The following MRTFA variants were observed in gnomAD, a reference collection of about 807,000 sequenced individuals.
The protein encoded by MRTFA is myocardin-related transcription factor A.
A neutral mutation model predicts 83.5 loss-of-function variants in MRTFA; 20 were observed. The observed-to-expected ratio is 0.24, with a 90% confidence interval of 0.17 to 0.35. The LOEUF (loss-of-function observed/expected upper bound fraction) is 0.35. MRTFA is among the 10% of genes least tolerant of loss of function. The probability of loss-of-function intolerance (pLI) is 1.00; values close to 1 mark genes in which losing one functional copy is unlikely to be tolerated. For missense variants in MRTFA, 1,200 were observed against 1,224.7 expected, an observed-to-expected ratio of 0.98 and a Z score of 0.30; for synonymous variants, 659 against 541.2, an observed-to-expected ratio of 1.22 and a Z score of -3.02.
chr22:40,414,374 C>T (rs1160762696), intron 14 of MRTFA, among the ~76,000 whole-genome samples: 1 of 152,154 alleles, frequency 6.6e-6, no homozygotes, highest in African/African-American at 2.4e-5. Flanking sequence ...TATGATCCGG[C>T]AATTCCAACC....
At chr22:40,517,246 A>G (rs2054776778) in intron 3 of MRTFA, among the ~76,000 whole-genome samples, 1 of 152,186 alleles carries the variant, frequency 6.6e-6, no homozygotes, top group Admixed American at 6.5e-5. Context: ...ATTCTAAAAG[A>G]AGAAAAAGTT....
chr22:40,623,267 T>G (rs1215101488), intron 1 of MRTFA, among the ~76,000 whole-genome samples: 1 of 152,238 alleles, frequency 6.6e-6, no homozygotes, highest in Non-Finnish European at 1.5e-5. Context: ...ACCAAAGTTA[T>G]GTAACACGGT....
chr22:40,447,244 TG>T (rs2053396869), intron 4 of MRTFA, among the ~76,000 whole-genome samples: 1 of 151,694 alleles, frequency 6.6e-6, no homozygotes, highest in African/African-American at 2.4e-5. Context: ...CCGATCTATT[TG>T]GGGGAGCCGA....
At chr22:40,507,219 G>T (rs2054594421) in intron 3 of MRTFA, among the ~76,000 whole-genome samples, 1 of 152,130 alleles carries the variant, frequency 6.6e-6, no homozygotes, top group Admixed American at 6.5e-5. Context: ...AAATTAGCCA[G>T]GCGTGGTGGC....
chr22:40,499,759 T>C (rs1227024577), intron 3 of MRTFA, among the ~76,000 whole-genome samples: 6 of 152,006 alleles, frequency 3.9e-5, no homozygotes, highest in Admixed American at 3.3e-4. Context: ...AAAAAGAAAA[T>C]GTCTTCTCTG....
chr22:40,636,430 G>C (rs1456589816), intron 1 of MRTFA, 48 bp downstream of exon 1: 1 of 152,236 alleles, frequency 6.6e-6, no homozygotes, highest in African/African-American at 2.4e-5. Context: ...CTCCAGGCGG[G>C]GCGAGGCCGC....
chr22:40,631,239 A>C (rs146970702), intron 1 of MRTFA, among the ~76,000 whole-genome samples: 621 of 152,278 alleles, frequency 4.1e-3, no homozygotes, highest in Middle Eastern at 6.8e-3. Context: ...CTGCATACTC[A>C]TATCAGTCTA....
intron 4 of MRTFA, among the ~76,000 whole-genome samples, chr22:40,442,588 A>G (rs1268708929): frequency 7.0e-6 from 1 of 141,876 alleles, no homozygotes; most frequent in East Asian, 2.1e-4. Flanking sequence ...AGTAAGCACT[A>G]TGCCAGTCAC....
At chr22:40,429,861 A>G (rs900532813) in intron 6 of MRTFA, 94 bp from the exon 7 acceptor site, 4 of 1,301,556 alleles carry the variant, frequency 3.1e-6, no homozygotes, top group Non-Finnish European at 4.2e-6. Flanking sequence ...CTCCTGGGCA[A>G]GAGGAGTGAC....
At chr22:40,438,635 C>T (rs1275782460) in intron 4 of MRTFA, among the ~76,000 whole-genome samples, 1 of 152,212 alleles carries the variant, frequency 6.6e-6, no homozygotes, top group Non-Finnish European at 1.5e-5. Context: ...TCTAGGCCAA[C>T]CAAGGTCCAA....
At chr22:40,620,822 T>C (rs190522288) in intron 1 of MRTFA, among the ~76,000 whole-genome samples, 6 of 152,218 alleles carry the variant, frequency 3.9e-5, no homozygotes, top group Non-Finnish European at 8.8e-5. Flanking sequence ...ACAAGGTTTC[T>C]AACAATGTTA....
intron 1 of MRTFA, among the ~76,000 whole-genome samples, chr22:40,632,655 C>T (rs1442688057): frequency 1.3e-5 from 2 of 152,058 alleles, no homozygotes; most frequent in Non-Finnish European, 2.9e-5. Flanking sequence ...AGGCTGGTCT[C>T]GATCTCCTGA....
At chr22:40,465,648 C>T (rs748803704) in intron 3 of MRTFA, among the ~76,000 whole-genome samples, 9 of 152,154 alleles carry the variant, frequency 5.9e-5, no homozygotes, top group Non-Finnish European at 1.2e-4. Flanking sequence ...AAGGCCTTGA[C>T]GTCCCTGGCT....
intron 3 of MRTFA, among the ~76,000 whole-genome samples, chr22:40,550,788 A>G (rs894842296): frequency 3.9e-5 from 6 of 152,070 alleles, no homozygotes; most frequent in Non-Finnish European, 7.4e-5. Context: ...CGCAAAGTAC[A>G]TAAGTTGGGT....
At chr22:40,533,818 A>G in intron 3 of MRTFA, 1 of 397,104 alleles carries the variant, frequency 2.5e-6, no homozygotes, top group Non-Finnish European at 4.4e-6. Context: ...AGTCAAGATG[A>G]CACAGATTTG....
intron 4 of MRTFA, among the ~76,000 whole-genome samples, chr22:40,450,819 C>T (rs901467644): frequency 6.6e-6 from 1 of 152,106 alleles, no homozygotes; most frequent in Admixed American, 6.5e-5. Flanking sequence ...AGGCTGTCAT[C>T]ACAAAAATTC....
At chr22:40,448,398 C>T (rs1427459787) in intron 4 of MRTFA, among the ~76,000 whole-genome samples, 1 of 152,082 alleles carries the variant, frequency 6.6e-6, no homozygotes, top group Non-Finnish European at 1.5e-5. Flanking sequence ...CACTTGAGCC[C>T]GGGAGGCAAA....
chr22:40,542,205 C>A (rs1186971953), intron 3 of MRTFA, among the ~76,000 whole-genome samples: 1 of 152,094 alleles, frequency 6.6e-6, no homozygotes, highest in African/African-American at 2.4e-5. Context: ...GCCTCCTCCT[C>A]CCACCCCCTA....
At position 40,424,351 on chromosome 22, in the gene MRTFA, T is replaced by G. The variant is rs1468204187; in HGVS notation, c.632A>C (p.Asp211Ala). ...GCTGTCCTCATCGAAGGAAGAGCTG[T>G]CTGCTACTTTGGGATAGTTCACCTG... is the stretch of plus-strand genomic sequence containing the variant. The change falls in exon 8 of 15, where the codon GAC becomes GCC. Residue 211 changes from aspartate to alanine, a missense_variant. Asp to Ala is a moderately radical substitution (Grantham distance 126, BLOSUM62 -2). This residue lies in a region of MRTFA where 93 missense variants were observed against 182.9 expected (regional missense o/e 0.51). Transcript: ENST00000355630. 6 of 1,613,520 alleles carry G rather than the reference T, an allele frequency of 3.7e-6. No individual in the cohort carries two copies. The highest frequency in any genetic ancestry group is 5.1e-6 in the Non-Finnish European group (6 of 1,179,794).
Sources: gnomAD v4.1 joint callset for allele counts (sites outside exome capture counted in the v4.1 genomes callset) on GRCh38, gnomAD v4.1.1 for gene constraint, gnomAD v4.1.1 regional missense constraint, MANE v1.5 for transcripts, NCBI Gene and HGNC (gene_info 2026-07-23, HGNC 2026-07-21) for gene names.